Variants in SPOCK3 observed in about 807,000 individuals in gnomAD.
SPOCK3 encodes the protein SPARC (osteonectin), cwcv and kazal like domains proteoglycan 3, also known as testican-3.
A neutral mutation model predicts 56.6 loss-of-function variants in SPOCK3; 30 were observed. The ratio of observed to expected loss-of-function variants is 0.53; its 90% CI spans 0.40 to 0.72. The LOEUF (loss-of-function observed/expected upper bound fraction) is 0.72. Ranked by LOEUF, SPOCK3 falls within the 30% of genes least tolerant of loss-of-function variation. SPOCK3 has a pLI of 0.00. For synonymous variants in SPOCK3, 196 were observed against 183.3 expected (o/e 1.07, Z -0.56); for missense variants, 527 against 530.0 (o/e 0.99, Z 0.06).
intron 2 of SPOCK3, among the ~76,000 whole-genome samples, chr4:167,226,912 A>G (rs1462262512): frequency 6.6e-6 from 1 of 152,060 alleles, no homozygotes; most frequent in Non-Finnish European, 1.5e-5. Flanking sequence ...TTTCTGCAGG[A>G]ACTTAACCTC....
At chr4:166,945,815 G>A (rs1741657296) in intron 4 of SPOCK3, among the ~76,000 whole-genome samples, 1 of 152,138 alleles carries the variant, frequency 6.6e-6, no homozygotes. Flanking sequence ...TCACACAGGT[G>A]TAGTTTTCCC....
chr4:166,778,440 G>C (rs548022720), intron 7 of SPOCK3, among the ~76,000 whole-genome samples: 29 of 152,244 alleles, frequency 1.9e-4, no homozygotes, highest in African/African-American at 6.7e-4. Flanking sequence ...CTGAATGACT[G>C]AATTGTCCTC....
chr4:167,165,710 A>G (rs988481154), intron 2 of SPOCK3, among the ~76,000 whole-genome samples: 2 of 152,252 alleles, frequency 1.3e-5, no homozygotes, highest in African/African-American at 4.8e-5. Flanking sequence ...TATAAATGCC[A>G]TAAGGAATGA....
chr4:167,134,554 G>T (rs776347820), intron 2 of SPOCK3, among the ~76,000 whole-genome samples: 7 of 152,050 alleles, frequency 4.6e-5, no homozygotes, highest in Non-Finnish European at 8.8e-5. Flanking sequence ...TACCAAATAT[G>T]ATTGTCACTT....
chr4:166,777,679 A>G (rs60651750), intron 7 of SPOCK3, among the ~76,000 whole-genome samples: 1,913 of 152,186 alleles, frequency 0.013, 43 homozygotes, highest in African/African-American at 0.042. Flanking sequence ...TGGGCCTGCA[A>G]TGAGCTATGA....
intron 2 of SPOCK3, among the ~76,000 whole-genome samples, chr4:167,067,055 T>A (rs895715713): frequency 6.6e-6 from 1 of 151,864 alleles, no homozygotes; most frequent in Non-Finnish European, 1.5e-5. Context: ...TGCTTAAGCA[T>A]CCTCACAGAG....
intron 4 of SPOCK3, among the ~76,000 whole-genome samples, chr4:166,923,278 A>C (rs1325531832): frequency 6.6e-6 from 1 of 152,206 alleles, no homozygotes; most frequent in African/African-American, 2.4e-5. Context: ...CACCCTGATA[A>C]TCTAGGATAA....
intron 4 of SPOCK3, among the ~76,000 whole-genome samples, chr4:166,977,765 C>T (rs1746116956): frequency 6.6e-6 from 1 of 152,078 alleles, no homozygotes; most frequent in South Asian, 2.1e-4. Context: ...CTGATAGTCA[C>T]TAACTTTTTT....
intron 7 of SPOCK3, among the ~76,000 whole-genome samples, chr4:166,776,965 T>C (rs1032343036): frequency 1.1e-4 from 16 of 152,164 alleles, no homozygotes; most frequent in African/African-American, 2.7e-4. Flanking sequence ...CTGAAGGACA[T>C]TGAGAAAACA....
At chr4:167,131,575 C>T (rs1212150963) in intron 2 of SPOCK3, among the ~76,000 whole-genome samples, 3 of 152,120 alleles carry the variant, frequency 2.0e-5, no homozygotes, top group South Asian at 2.1e-4. Flanking sequence ...TGCACTCCAG[C>T]CTGGGCGACA....
At chr4:166,835,587 T>C (rs1746522665) in intron 6 of SPOCK3, among the ~76,000 whole-genome samples, 1 of 152,210 alleles carries the variant, frequency 6.6e-6, no homozygotes, top group Non-Finnish European at 1.5e-5. Context: ...AGTTATCTTG[T>C]ATGTTGTTCT....
At chr4:166,816,511 G>A (rs1329235413) in intron 6 of SPOCK3, among the ~76,000 whole-genome samples, 2 of 151,998 alleles carry the variant, frequency 1.3e-5, no homozygotes, top group African/African-American at 4.8e-5. Context: ...TGTTTTGTAA[G>A]GATGCAATTT....
intron 2 of SPOCK3, chr4:167,083,156 T>C: frequency 1.3e-6 from 1 of 764,452 alleles, no homozygotes; most frequent in East Asian, 2.4e-5. Context: ...CCTAGGCTGT[T>C]CTTCCTACAG....
chr4:167,213,385 T>C (rs961107220), intron 2 of SPOCK3, among the ~76,000 whole-genome samples: 9 of 152,336 alleles, frequency 5.9e-5, no homozygotes, highest in Admixed American at 3.3e-4. Context: ...TATTTGATGA[T>C]ATTAAATATT....
rs1045239084 is a variant in SPOCK3, at chr4:167,036,770, G to T, written c.235+25722C>A. 2.0e-5 allele frequency among the ~76,000 whole-genome samples: 3 copies of T among 151,728 alleles called. No individual in the cohort carries two copies. The East Asian group carries it at 5.8e-4, about 29-fold the overall frequency. On this transcript the variant is annotated intron_variant, in intron 3 of 10. Coordinates refer to ENST00000357545, the MANE Select transcript of SPOCK3 (RefSeq NM_001040159.2). ...TCTATATTCTAATAAAAATAAATAC[G>T]ACTCTCTAGGTTTTTATGGTTTATT...
intron 4 of SPOCK3, among the ~76,000 whole-genome samples, chr4:166,990,399 T>TAA (rs11389694): frequency 1.7e-4 from 25 of 151,116 alleles, no homozygotes; most frequent in Admixed American, 2.6e-4. Context: ...ATAAAAAAAT[T>TAA]AAAAAAAAAT....
Position 167,234,458 on chromosome 4 carries a change from G to A in SPOCK3, c.-9C>T, listed in dbSNP as rs1737527698. 2.0e-6 allele frequency: 1 copy of A among 492,008 alleles called. No individual in the cohort carries two copies. The highest frequency in any genetic ancestry group is 3.3e-5 in the East Asian group (1 of 30,274). The allele number at this position is 492,008 out of a possible 1,614,324, so 30.5% of individuals were successfully genotyped here. A position where few individuals can be genotyped will look rare whatever the true frequency, so the allele number is the denominator to read the frequency against. Reference sequence around the variant, plus strand: ...GCTTCCTGGCACATCACCTTGTTGTGAGCCAGCACTGTGCTCGCAGCTCCT... The same window carrying A: ...GCTTCCTGGCACATCACCTTGTTGTAAGCCAGCACTGTGCTCGCAGCTCCT... On this transcript the variant is annotated 5_prime_UTR_variant, in exon 1 of 11. Coordinates refer to ENST00000357545, the MANE Select transcript of SPOCK3 (RefSeq NM_001040159.2).
intron 2 of SPOCK3, among the ~76,000 whole-genome samples, chr4:167,204,147 T>C (rs576497722): frequency 3.9e-4 from 60 of 152,114 alleles, no homozygotes; most frequent in African/African-American, 1.4e-3. Context: ...CCCTGCAAAG[T>C]AATCCTGCCC....
At chr4:167,085,081 C>G (rs1758063801) in intron 2 of SPOCK3, among the ~76,000 whole-genome samples, 1 of 151,582 alleles carries the variant, frequency 6.6e-6, no homozygotes, top group African/African-American at 2.4e-5. Flanking sequence ...TGGATAAAAA[C>G]TCTAATGTCA....
Sources: allele counts gnomAD v4.1 joint callset (sites outside exome capture counted in the v4.1 genomes callset), GRCh38; gene constraint gnomAD v4.1.1; transcripts MANE v1.5; gene names NCBI Gene and HGNC (gene_info 2026-07-23, HGNC 2026-07-21).